Variants in MAPK8 observed in about 807,000 individuals in gnomAD.
MAPK8 encodes the protein mitogen-activated protein kinase 8, also known as JUN N-terminal kinase.
MAPK8 carries 13 observed loss-of-function variants against 52.9 expected under a neutral mutation model. The ratio of observed to expected loss-of-function variants is 0.25; its 90% CI spans 0.16 to 0.39. The LOEUF is 0.39. Among genes scored for constraint, MAPK8 ranks in the 10% least tolerant of loss-of-function variants. The pLI is 1.00. For synonymous variants in MAPK8, 191 were observed against 169.8 expected, an observed-to-expected ratio of 1.12 and a Z score of -0.97; for missense variants, 300 against 519.2, an observed-to-expected ratio of 0.58 and a Z score of 4.10.
At chr10:48,397,482 T>C (rs994822171) in intron 1 of MAPK8, among the ~76,000 whole-genome samples, 2 of 152,140 alleles carry the variant, frequency 1.3e-5, no homozygotes, top group Non-Finnish European at 2.9e-5. Flanking sequence ...AAAAAAATGA[T>C]AGTGACAAAG....
rs967592451 is a variant in MAPK8, at chr10:48,313,848, G to A, written c.-50+7027G>A. Among the ~76,000 whole-genome samples the A allele has an allele frequency of 4.6e-5, 7 of 152,238 alleles. No individual in the cohort carries two copies. In the South Asian group the frequency reaches 1.2e-3, roughly 27 times the overall value. On this transcript the variant is annotated intron_variant, in intron 1 of 11. Coordinates refer to ENST00000374189, the MANE Select transcript of MAPK8 (RefSeq NM_001323329.2). ...TCAGCTCACTGCCACCTCTGCCTCC[G>A]AGGTTCAGGTGATTCTCCTGCCTCA... is the stretch of plus-strand genomic sequence containing the variant.
rs771699494 is a variant in MAPK8 at position 48,401,797 on chromosome 10, C to A, written c.122+15C>A. 2 of 1,400,994 alleles carry A rather than the reference C, an allele frequency of 1.4e-6. No homozygotes were observed. Among genetic ancestry groups the A allele is most frequent in the South Asian group, 3.8e-5 (2 of 53,318 alleles). 86.8% of individuals were successfully genotyped at this position (1,400,994 alleles called of 1,614,324 possible). On this transcript the variant is annotated intron_variant, in intron 2 of 11. Coordinates refer to ENST00000374189, the MANE Select transcript of MAPK8 (RefSeq NM_001323329.2). ...GGAATAGTATGGTAAGTGTTTACTTCCAAAAATTAGGCAAAGAATCATTAA... is the reference window on the plus strand; with the variant it reads ...GGAATAGTATGGTAAGTGTTTACTTACAAAAATTAGGCAAAGAATCATTAA...
At chr10:48,325,516 TAAAA>T (rs2132196927) in intron 1 of MAPK8, among the ~76,000 whole-genome samples, 1 of 152,370 alleles carries the variant, frequency 6.6e-6, no homozygotes, top group East Asian at 1.9e-4. Flanking sequence ...TCATTCTTTT[TAAAA>T]TAGTCTTCAT....
At chr10:48,313,615 A>G (rs967302427) in intron 1 of MAPK8, among the ~76,000 whole-genome samples, 13 of 152,270 alleles carry the variant, frequency 8.5e-5, no homozygotes, top group African/African-American at 3.1e-4. Flanking sequence ...TCACAGCTTT[A>G]TGGATTTTGG....
chr10:48,400,955 T>C (rs1430927322), intron 1 of MAPK8, among the ~76,000 whole-genome samples: 1 of 122,626 alleles, frequency 8.2e-6, no homozygotes, highest in Non-Finnish European at 1.7e-5. Context: ...TGTTTTGTTT[T>C]GTATCCCAAT....
At chr10:48,358,789 A>G (rs1847236239) in intron 1 of MAPK8, among the ~76,000 whole-genome samples, 1 of 152,190 alleles carries the variant, frequency 6.6e-6, no homozygotes, top group African/African-American at 2.4e-5. Flanking sequence ...ATTTTTGAAC[A>G]TGGTATAGGT....
At chr10:48,385,366 T>G (rs2041249618) in intron 1 of MAPK8, among the ~76,000 whole-genome samples, 1 of 152,200 alleles carries the variant, frequency 6.6e-6, no homozygotes, top group African/African-American at 2.4e-5. Context: ...AACAAGCTAT[T>G]TTTATTATCA....
chr10:48,335,591 G>A (rs114077998), intron 1 of MAPK8, among the ~76,000 whole-genome samples: 9,386 of 152,124 alleles, frequency 0.062, 624 homozygotes, highest in Admixed American at 0.21. Flanking sequence ...TGAAGTGATA[G>A]GCACACTTTG....
intron 1 of MAPK8, among the ~76,000 whole-genome samples, chr10:48,351,497 A>G (rs914138682): frequency 6.6e-6 from 1 of 152,022 alleles, no homozygotes; most frequent in Non-Finnish European, 1.5e-5. Context: ...CCCATGAGTC[A>G]TGGCACCTCG....
chr10:48,397,956 T>C (rs2041972279), intron 1 of MAPK8, among the ~76,000 whole-genome samples: 1 of 152,304 alleles, frequency 6.6e-6, no homozygotes, highest in South Asian at 2.1e-4. Flanking sequence ...TAAATTTGTA[T>C]AGAACTATAC....
At chr10:48,416,835 G>A (rs1300545127) in intron 5 of MAPK8, among the ~76,000 whole-genome samples, 1 of 152,146 alleles carries the variant, frequency 6.6e-6, no homozygotes, top group East Asian at 1.9e-4. Context: ...GCTCTACCCT[G>A]TGGGAGAGTC....
At position 48,323,927 on chromosome 10, in the gene MAPK8, T is replaced by C. The variant is rs1843226411; in HGVS notation, c.-50+17106T>C. On this transcript the variant is annotated intron_variant, in intron 1 of 11. Transcript: ENST00000374189. ...TCAGTGTGTTTCTTTGTTACACCTG[T>C]CAGTAGAATCGGCTATTACTGTTTT... 3.3e-5 allele frequency among the ~76,000 whole-genome samples: 5 copies of C among 152,232 alleles called. No individual in the cohort carries two copies. The South Asian group carries it at 1.0e-3, about 31-fold the overall frequency.
At chr10:48,354,065 A>G (rs1240733471) in intron 1 of MAPK8, among the ~76,000 whole-genome samples, 2 of 152,180 alleles carry the variant, frequency 1.3e-5, no homozygotes, top group Non-Finnish European at 2.9e-5. Context: ...TTATAGTAAG[A>G]TGTAACCATG....
At position 48,439,187 on chromosome 10, in the gene MAPK8, C is replaced by G. The variant is rs1288357292; in HGVS notation, c.*4158C>G. The G allele has an allele frequency of 6.6e-6, 1 of 151,356 alleles. No individual in the cohort carries two copies. Among genetic ancestry groups the G allele is most frequent in the Non-Finnish European group, 1.5e-5 (1 of 67,948 alleles). 9.4% of individuals were successfully genotyped at this position (151,356 alleles called of 1,614,324 possible). On this transcript the variant is annotated 3_prime_UTR_variant, in exon 12 of 12. Coordinates refer to ENST00000374189, the MANE Select transcript of MAPK8 (RefSeq NM_001323329.2). ...TCCGTTCCCTCTCCTTTCCTCTAGA[C>G]AAAACAAAATGGGGCACTTTTTAGG... is the stretch of plus-strand genomic sequence containing the variant.
chr10:48,422,326 G>A (rs1022668262), intron 6 of MAPK8, among the ~76,000 whole-genome samples: 1 of 152,012 alleles, frequency 6.6e-6, no homozygotes, highest in South Asian at 2.1e-4. Context: ...GAGCCACAAC[G>A]CCTGGCCTCC....
intron 1 of MAPK8, among the ~76,000 whole-genome samples, chr10:48,391,971 A>G (rs1474591892): frequency 5.3e-5 from 8 of 152,214 alleles, no homozygotes; most frequent in Non-Finnish European, 8.8e-5. Context: ...AGGGCACGCC[A>G]TCTTCCAGAA....
At chr10:48,370,567 T>TA (rs1287085039) in intron 1 of MAPK8, among the ~76,000 whole-genome samples, 1 of 152,110 alleles carries the variant, frequency 6.6e-6, no homozygotes, top group Admixed American at 6.6e-5. Context: ...CTAGAGGTCT[T>TA]ATGTGCAAAG....
At chr10:48,388,366 T>G (rs2041434320) in intron 1 of MAPK8, among the ~76,000 whole-genome samples, 1 of 152,174 alleles carries the variant, frequency 6.6e-6, no homozygotes, top group Non-Finnish European at 1.5e-5. Context: ...CTTTAGTATT[T>G]TAGTAACATC....
At chr10:48,426,292 C>G in intron 8 of MAPK8, 88 bp from the exon 9 acceptor site, 3 of 1,185,776 alleles carry the variant, frequency 2.5e-6, no homozygotes, top group Non-Finnish European at 3.5e-6. Context: ...AAAACATATG[C>G]TTTTTAAAAA....
Sources: allele counts gnomAD v4.1 joint callset (sites outside exome capture counted in the v4.1 genomes callset), GRCh38; gene constraint gnomAD v4.1.1; transcripts MANE v1.5; gene names NCBI Gene and HGNC (gene_info 2026-07-23, HGNC 2026-07-21).